Variants in GRID2 observed in about 807,000 individuals in gnomAD.
GRID2 encodes the protein glutamate receptor ionotropic, delta-2.
Under a neutral mutation model 114.8 loss-of-function variants are expected in GRID2, and 33 were observed. The ratio of observed to expected loss-of-function variants is 0.29; its 90% CI spans 0.22 to 0.38. The LOEUF (loss-of-function observed/expected upper bound fraction) is 0.38. Ranked by LOEUF, GRID2 falls within the 10% of genes least tolerant of loss-of-function variation. The pLI, the probability that GRID2 is intolerant of heterozygous loss-of-function variation, is 1.00. For missense variants in GRID2, 1,184 were observed against 1,257.7 expected (o/e 0.94, Z 0.89); for synonymous variants, 505 against 449.9 (o/e 1.12, Z -1.55).
chr4:93,620,090 C>A (rs13123140), intron 13 of GRID2, among the ~76,000 whole-genome samples: 1 of 151,940 alleles, frequency 6.6e-6, no homozygotes, highest in East Asian at 1.9e-4. Context: ...ATTAGATATC[C>A]TATCAGCTGT....
intron 6 of GRID2, among the ~76,000 whole-genome samples, chr4:93,218,365 G>A (rs1744477966): frequency 6.6e-6 from 1 of 152,018 alleles, no homozygotes; most frequent in Non-Finnish European, 1.5e-5. Context: ...TTAGCCAGGT[G>A]TGGTGGTATC....
intron 11 of GRID2, among the ~76,000 whole-genome samples, chr4:93,472,602 G>A (rs1284304087): frequency 6.6e-6 from 1 of 152,148 alleles, no homozygotes; most frequent in African/African-American, 2.4e-5. Flanking sequence ...CAAAGTTTAA[G>A]CTGGTAAACA....
intron 13 of GRID2, among the ~76,000 whole-genome samples, chr4:93,543,217 CT>C (rs1341017778): frequency 6.6e-6 from 1 of 152,116 alleles, no homozygotes; most frequent in Admixed American, 6.5e-5. Flanking sequence ...TGATTGTAAG[CT>C]TTTCAACTCT....
chr4:93,145,491 C>A (rs1736129705), intron 4 of GRID2, among the ~76,000 whole-genome samples: 1 of 129,140 alleles, frequency 7.7e-6, no homozygotes, highest in African/African-American at 3.0e-5. Context: ...GAGACAGTTT[C>A]ACTCTTGTCA....
At chr4:93,367,040 C>G (rs1356676554) in intron 8 of GRID2, among the ~76,000 whole-genome samples, 1 of 151,940 alleles carries the variant, frequency 6.6e-6, no homozygotes, top group Non-Finnish European at 1.5e-5. Flanking sequence ...ACTAATTCGT[C>G]CTGTTCTGGT....
chr4:92,468,615 T>C (rs1229134726), intron 1 of GRID2, among the ~76,000 whole-genome samples: 3 of 152,090 alleles, frequency 2.0e-5, no homozygotes, highest in Non-Finnish European at 2.9e-5. Flanking sequence ...GAGAAAGCCA[T>C]GTAAACAAAA....
At chr4:92,552,355 CTTAAT>C (rs746017070) in intron 1 of GRID2, among the ~76,000 whole-genome samples, 16 of 151,944 alleles carry the variant, frequency 1.1e-4, no homozygotes, top group Non-Finnish European at 1.5e-4. Context: ...GAGAAACTAT[CTTAAT>C]TTAATAATAA....
intron 8 of GRID2, among the ~76,000 whole-genome samples, chr4:93,264,394 G>C (rs1750573160): frequency 6.6e-6 from 1 of 151,948 alleles, no homozygotes; most frequent in South Asian, 2.1e-4. Flanking sequence ...TTACCAAGGT[G>C]ACAATAATTA....
In GRID2 at chr4:93,362,048, A is replaced by T. The variant is rs112529078; in HGVS notation, c.1246-33559A>T. Among the ~76,000 whole-genome samples, 1,349 of 152,138 alleles carry T rather than the reference A, an allele frequency of 8.9e-3. 25 individuals are homozygous for T. The highest frequency in any genetic ancestry group is 0.031 in the African/African-American group (1,289 of 41,502). ...TTTATTGGAGATGGGCTGTTAAATCAATCCAGTCAACAGTCAATCTTGATT... is the reference window on the plus strand; with the variant it reads ...TTTATTGGAGATGGGCTGTTAAATCTATCCAGTCAACAGTCAATCTTGATT... On this transcript the variant is annotated intron_variant, in intron 8 of 15. Coordinates refer to ENST00000282020, the MANE Select transcript of GRID2 (RefSeq NM_001510.4).
At chr4:92,764,477 A>G (rs1738166592) in intron 2 of GRID2, among the ~76,000 whole-genome samples, 1 of 152,140 alleles carries the variant, frequency 6.6e-6, no homozygotes, top group Non-Finnish European at 1.5e-5. Context: ...CTGCCAGCTC[A>G]CAGTTGGCTG....
intron 2 of GRID2, among the ~76,000 whole-genome samples, chr4:93,003,569 C>T (rs1023256133): frequency 6.6e-6 from 1 of 151,910 alleles, no homozygotes; most frequent in African/African-American, 2.4e-5. Context: ...CTTATCTCTC[C>T]TCACTATTTT....
intron 4 of GRID2, among the ~76,000 whole-genome samples, chr4:93,161,471 C>T (rs549425835): frequency 1.3e-5 from 2 of 151,810 alleles, no homozygotes; most frequent in South Asian, 4.1e-4. Context: ...CTTCTAATTC[C>T]CACATCCTTT....
intron 8 of GRID2, among the ~76,000 whole-genome samples, chr4:93,266,185 C>A (rs931894949): frequency 8.5e-5 from 13 of 152,158 alleles, no homozygotes; most frequent in African/African-American, 3.1e-4. Context: ...ATGTACACTC[C>A]AAACAGACAG....
rs1735135602 is a variant in GRID2 at position 93,135,191 on chromosome 4, G to C, written c.735+24238G>C. Among the ~76,000 whole-genome samples the C allele has an allele frequency of 2.0e-5, 3 of 152,158 alleles. No homozygotes were observed. In the South Asian group the frequency reaches 6.2e-4, roughly 31 times the overall value. ...ACACATTAGTAAAATGTTCGGTGAA[G>C]TCTTAAAACAACTGCTTTTAATATT... On this transcript the variant is annotated intron_variant, in intron 4 of 15. Transcript: ENST00000282020.
At chr4:92,612,666 C>G (rs1729813073) in intron 2 of GRID2, among the ~76,000 whole-genome samples, 1 of 151,354 alleles carries the variant, frequency 6.6e-6, no homozygotes, top group African/African-American at 2.4e-5. Flanking sequence ...AAATCTTGCT[C>G]TTCTATTAGG....
intron 13 of GRID2, among the ~76,000 whole-genome samples, chr4:93,556,160 C>CA (rs1455083874): frequency 1.3e-5 from 2 of 152,174 alleles, no homozygotes; most frequent in Non-Finnish European, 2.9e-5. Context: ...GAAAAACCAG[C>CA]ATGAAAAGGC....
intron 1 of GRID2, among the ~76,000 whole-genome samples, chr4:92,505,309 A>C (rs1338468300): frequency 6.6e-6 from 1 of 152,062 alleles, no homozygotes; most frequent in Non-Finnish European, 1.5e-5. Context: ...GCCTGGATTA[A>C]ATGGCAACTT....
chr4:92,520,826 A>C (rs1262429995), intron 1 of GRID2, among the ~76,000 whole-genome samples: 1 of 151,944 alleles, frequency 6.6e-6, no homozygotes, highest in Non-Finnish European at 1.5e-5. Context: ...TCAACATAGA[A>C]GCATTCCTCC....
intron 14 of GRID2, among the ~76,000 whole-genome samples, chr4:93,675,568 G>T (rs1218270772): frequency 6.6e-6 from 1 of 152,088 alleles, no homozygotes; most frequent in Non-Finnish European, 1.5e-5. Flanking sequence ...TTGTGGAAAG[G>T]AAACTAAGAG....
Sources: allele counts gnomAD v4.1 joint callset (sites outside exome capture counted in the v4.1 genomes callset), GRCh38; gene constraint gnomAD v4.1.1; transcripts MANE v1.5; gene names NCBI Gene and HGNC (gene_info 2026-07-23, HGNC 2026-07-21).